GSE1: variants seen among roughly 807,000 people sequenced by gnomAD.
GSE1 encodes Gse1 coiled-coil protein, also known as genetic suppressor element 1.
Under a neutral mutation model 112.6 loss-of-function variants are expected in GSE1, and 32 were observed. That is an observed-to-expected ratio of 0.28 (90% CI 0.21 to 0.38). The LOEUF (loss-of-function observed/expected upper bound fraction) is 0.38. Ranked by LOEUF, GSE1 falls within the 10% of genes least tolerant of loss-of-function variation. GSE1 has a pLI of 1.00. For synonymous variants in GSE1, 1,115 were observed against 735.6 expected (o/e 1.52, Z -8.35); for missense variants, 2,348 against 1,699.2 (o/e 1.38, Z -6.71).
At chr16:85,638,871 G>A (rs555141634) in intron 2 of GSE1, among the ~76,000 whole-genome samples, 15 of 151,968 alleles carry the variant, frequency 9.9e-5, no homozygotes, top group African/African-American at 2.2e-4. Flanking sequence ...GCTTCCCCCC[G>A]TCAATGGCTC....
At chr16:85,605,493 C>G (rs879525849) in intron 1 of GSE1, among the ~76,000 whole-genome samples, 1 of 152,218 alleles carries the variant, frequency 6.6e-6, no homozygotes, top group Admixed American at 6.5e-5. Context: ...CCAGCTTCGT[C>G]CCAGGCACTG....
At chr16:85,629,325 A>G (rs1165741443) in intron 1 of GSE1, among the ~76,000 whole-genome samples, 2 of 152,220 alleles carry the variant, frequency 1.3e-5, no homozygotes, top group East Asian at 1.9e-4. Context: ...CCGGGTGGCC[A>G]GCCAGCCTCA....
intron 1 of GSE1, among the ~76,000 whole-genome samples, chr16:85,303,892 C>T (rs1474988393): frequency 1.3e-5 from 2 of 152,214 alleles, no homozygotes; most frequent in Non-Finnish European, 2.9e-5. Context: ...CCAGGGTTGT[C>T]CCGGGGACGC....
intron 2 of GSE1, among the ~76,000 whole-genome samples, chr16:85,520,844 T>A (rs998265569): frequency 1.3e-5 from 2 of 152,132 alleles, no homozygotes; most frequent in Non-Finnish European, 2.9e-5. Context: ...GGGACCAGCC[T>A]GGGGGGAAGG....
intron 1 of GSE1, among the ~76,000 whole-genome samples, chr16:85,597,590 C>T (rs941167881): frequency 2.0e-5 from 3 of 152,118 alleles, no homozygotes; most frequent in African/African-American, 7.2e-5. Context: ...CCACCTCAGC[C>T]TCCCCAGTAG....
chr16:85,635,594 T>C (rs115998806), intron 2 of GSE1, among the ~76,000 whole-genome samples: 5,590 of 151,808 alleles, frequency 0.037, 279 homozygotes, highest in African/African-American at 0.11. Flanking sequence ...CTGAGAGGGG[T>C]GGAGAGAAGC....
At chr16:85,457,225 C>T (rs1237400093) in intron 2 of GSE1, among the ~76,000 whole-genome samples, 1 of 152,184 alleles carries the variant, frequency 6.6e-6, no homozygotes, top group Non-Finnish European at 1.5e-5. Flanking sequence ...GGCAGAGGCC[C>T]CGTCAGAGCT....
chr16:85,587,779 T>C (rs576742176), intron 1 of GSE1, among the ~76,000 whole-genome samples: 1 of 152,124 alleles, frequency 6.6e-6, no homozygotes, highest in Admixed American at 6.5e-5. Flanking sequence ...TACAGGACTT[T>C]CCTGCCGGTT....
chr16:85,509,024 G>A (rs954094580), intron 2 of GSE1, among the ~76,000 whole-genome samples: 22 of 152,218 alleles, frequency 1.4e-4, no homozygotes, highest in African/African-American at 4.3e-4. Flanking sequence ...GGGAACAGCA[G>A]GGAGAGGGAC....
At chr16:85,590,672 G>A (rs1389269222) in intron 1 of GSE1, among the ~76,000 whole-genome samples, 1 of 152,218 alleles carries the variant, frequency 6.6e-6, no homozygotes, top group Admixed American at 6.5e-5. Flanking sequence ...TGTGTGATAT[G>A]TGAATGTGTT....
chr16:85,586,828 T>G (rs1320718038), intron 1 of GSE1, among the ~76,000 whole-genome samples: 1 of 152,182 alleles, frequency 6.6e-6, no homozygotes, highest in Non-Finnish European at 1.5e-5. Flanking sequence ...AGCCCCTCCC[T>G]ACTCCCCCAG....
At chr16:85,434,326 TAATAA>T (rs1209258053) in intron 2 of GSE1, among the ~76,000 whole-genome samples, 2 of 145,524 alleles carry the variant, frequency 1.4e-5, no homozygotes, top group African/African-American at 2.6e-5. Context: ...ATAATAATAA[TAATAA>T]TAATAATAAT....
At chr16:85,435,826 C>T (rs878868293) in intron 2 of GSE1, among the ~76,000 whole-genome samples, 4 of 152,164 alleles carry the variant, frequency 2.6e-5, no homozygotes, top group South Asian at 2.1e-4. Flanking sequence ...AGGGGCCGTG[C>T]ACCCAGTGGG....
At chr16:85,492,758 C>T (rs1474574039) in intron 2 of GSE1, among the ~76,000 whole-genome samples, 1 of 139,298 alleles carries the variant, frequency 7.2e-6, no homozygotes, top group Non-Finnish European at 1.6e-5. Flanking sequence ...GGGATTCTGA[C>T]ACATGACCTC....
intron 1 of GSE1, among the ~76,000 whole-genome samples, chr16:85,627,680 G>A (rs1306186800): frequency 1.3e-5 from 2 of 151,986 alleles, no homozygotes; most frequent in East Asian, 3.9e-4. Context: ...CGGCCCCCCG[G>A]CCCCCCGGCC....
chr16:85,536,496 G>T (rs997460340), intron 2 of GSE1, among the ~76,000 whole-genome samples: 1 of 152,232 alleles, frequency 6.6e-6, no homozygotes, highest in Admixed American at 6.5e-5. Context: ...TGGGCCGCGG[G>T]CAGGGCTCGT....
chr16:85,598,402 G>A (rs2047326741), intron 1 of GSE1, among the ~76,000 whole-genome samples: 1 of 152,230 alleles, frequency 6.6e-6, no homozygotes, highest in Non-Finnish European at 1.5e-5. Context: ...AGAATGCCCA[G>A]CCCCATCCCA....
chr16:85,223,379 T>C (rs1019816728), intron 1 of GSE1, among the ~76,000 whole-genome samples: 2 of 151,764 alleles, frequency 1.3e-5, no homozygotes, highest in Non-Finnish European at 2.9e-5. Context: ...AAAAATTAAC[T>C]GAGTGTAATG....
intron 2 of GSE1, among the ~76,000 whole-genome samples, chr16:85,528,966 T>A (rs1567563401): frequency 6.6e-6 from 1 of 152,236 alleles, no homozygotes; most frequent in East Asian, 1.9e-4. Context: ...TTGTAAGAAC[T>A]TGGCCTTTAC....
Sources: gnomAD v4.1 joint callset for allele counts (sites outside exome capture counted in the v4.1 genomes callset) on GRCh38, gnomAD v4.1.1 for gene constraint, MANE v1.5 for transcripts, NCBI Gene and HGNC (gene_info 2026-07-23, HGNC 2026-07-21) for gene names.